ENTREP1: variants seen among roughly 807,000 people sequenced by gnomAD.
ENTREP1 encodes the protein Friedreich ataxia region gene X123.
At chr9:69,386,905 A>G in the ENTREP1 span, 126,924 of 152,290 alleles carry the variant, frequency 0.83, 53,001 homozygotes, top group South Asian at 0.89. Flanking sequence ...CACAGTGGCC[A>G]GGCAGCCTGG....
At chr9:69,325,208 C>G in the ENTREP1 span, 9 of 1,030,892 alleles carry the variant, frequency 8.7e-6, no homozygotes, top group Non-Finnish European at 8.2e-6. Context: ...CCTCGGAGCC[C>G]GTCTGCAGTG....
the ENTREP1 span, among the ~76,000 whole-genome samples, chr9:69,336,678 C>T: frequency 6.6e-6 from 1 of 152,092 alleles, no homozygotes; most frequent in Admixed American, 6.6e-5. Flanking sequence ...CTCATTTCCT[C>T]TCATATTCTT....
the ENTREP1 span, among the ~76,000 whole-genome samples, chr9:69,391,250 A>G: frequency 6.6e-6 from 1 of 152,284 alleles, no homozygotes; most frequent in Non-Finnish European, 1.5e-5. Context: ...TTCTGACAAT[A>G]CCCGTCCCTC....
the ENTREP1 span, among the ~76,000 whole-genome samples, chr9:69,339,186 A>G: frequency 6.6e-6 from 1 of 152,036 alleles, no homozygotes; most frequent in African/African-American, 2.4e-5. Flanking sequence ...CACCCAGCTA[A>G]TATTTAAATT....
At chr9:69,364,431 A>G in the ENTREP1 span, among the ~76,000 whole-genome samples, 1 of 151,928 alleles carries the variant, frequency 6.6e-6, no homozygotes, top group Admixed American at 6.6e-5. Context: ...TATAAGAAAT[A>G]TAAGAAATTC....
chr9:69,372,745 A>T, the ENTREP1 span, among the ~76,000 whole-genome samples: 1 of 152,122 alleles, frequency 6.6e-6, no homozygotes, highest in Non-Finnish European at 1.5e-5. Flanking sequence ...TTTTGAGGAA[A>T]CTTTGTATGG....
chr9:69,325,177 AT>A, the ENTREP1 span: 1 of 1,025,464 alleles, frequency 9.8e-7, no homozygotes, highest in Non-Finnish European at 1.2e-6. Context: ...GGCCGTGCGC[AT>A]TTCCTTCCCT....
At chr9:69,340,691 G>A in the ENTREP1 span, among the ~76,000 whole-genome samples, 6 of 117,128 alleles carry the variant, frequency 5.1e-5, no homozygotes, top group East Asian at 2.4e-4. Context: ...GCATGTGTGT[G>A]TGTATGTGTG....
the ENTREP1 span, chr9:69,386,869 G>C: frequency 6.6e-6 from 1 of 152,230 alleles, no homozygotes; most frequent in Non-Finnish European, 1.5e-5. Context: ...AAGTCCTGCC[G>C]CCTGGTACTG....
chr9:69,337,611 G>T, the ENTREP1 span, among the ~76,000 whole-genome samples: 1 of 151,966 alleles, frequency 6.6e-6, no homozygotes, highest in African/African-American at 2.4e-5. Flanking sequence ...ATGTCATTTT[G>T]ATTCAGCGAC....
chr9:69,327,081 G>A, the ENTREP1 span, among the ~76,000 whole-genome samples: 2 of 151,552 alleles, frequency 1.3e-5, no homozygotes, highest in South Asian at 2.1e-4. Context: ...CATTAAGAAC[G>A]TTAGGTTCCT....
At chr9:69,377,695 C>G in the ENTREP1 span, 9 of 1,614,004 alleles carry the variant, frequency 5.6e-6, no homozygotes, top group Non-Finnish European at 5.9e-6. Context: ...TGTGCCTCCC[C>G]CTTCCTATTT....
chr9:69,360,929 A>G, the ENTREP1 span, among the ~76,000 whole-genome samples: 15 of 152,060 alleles, frequency 9.9e-5, no homozygotes, highest in Non-Finnish European at 7.4e-5. Context: ...TTTTTATCCT[A>G]TTCAAACTTG....
chr9:69,344,869 C>T, the ENTREP1 span, among the ~76,000 whole-genome samples: 1 of 152,140 alleles, frequency 6.6e-6, no homozygotes, highest in East Asian at 1.9e-4. Context: ...TCCTGAGCCT[C>T]GTTCTTGTGG....
At chr9:69,371,061 A>G in the ENTREP1 span, among the ~76,000 whole-genome samples, 1 of 152,210 alleles carries the variant, frequency 6.6e-6, no homozygotes, top group Non-Finnish European at 1.5e-5. Context: ...GTCCATTTAC[A>G]TACTGTGATT....
the ENTREP1 span, among the ~76,000 whole-genome samples, chr9:69,340,636 C>CACGTGTGT: frequency 8.3e-6 from 1 of 120,550 alleles, no homozygotes; most frequent in Admixed American, 8.2e-5. Flanking sequence ...TGTGTGTGTG[C>CACGTGTGT]GTGCATGTGT....
the ENTREP1 span, chr9:69,385,818 G>T: frequency 1.7e-5 from 26 of 1,551,528 alleles, no homozygotes; most frequent in Admixed American, 4.4e-4. Flanking sequence ...TAACATACCT[G>T]CCGAAGAAAA....
At chr9:69,375,227 T>C in the ENTREP1 span, among the ~76,000 whole-genome samples, 1 of 152,218 alleles carries the variant, frequency 6.6e-6, no homozygotes, top group Non-Finnish European at 1.5e-5. Flanking sequence ...GTATCAAGAA[T>C]GGACTTGTTT....
At chr9:69,384,575 T>A in the ENTREP1 span, among the ~76,000 whole-genome samples, 1 of 152,202 alleles carries the variant, frequency 6.6e-6, no homozygotes, top group South Asian at 2.1e-4. Context: ...AGGGCCCAGG[T>A]CATGCTGCCC....
Sources: gnomAD v4.1 joint callset for allele counts (sites outside exome capture counted in the v4.1 genomes callset) on GRCh38, gnomAD v4.1.1 for gene constraint, MANE v1.5 for transcripts, NCBI Gene and HGNC (gene_info 2026-07-23, HGNC 2026-07-21) for gene names.